FAM228B: variants seen among roughly 807,000 people sequenced by gnomAD.
The protein encoded by FAM228B is family with sequence similarity 228 member B.
In FAM228B, 38 loss-of-function variants were observed where a neutral mutation model predicts 42.6. The ratio of observed to expected loss-of-function variants is 0.89; its 90% CI spans 0.69 to 1.17. The LOEUF is 1.17. FAM228B is among the 50% of genes most tolerant of loss of function. FAM228B has a pLI of 0.00. For missense variants in FAM228B, 344 were observed against 367.3 expected (o/e 0.94, Z 0.52); for synonymous variants, 109 against 122.3 (o/e 0.89, Z 0.72).
Position 24,095,523 on chromosome 2 carries a change from A to T in FAM228B, c.-121+294A>T, listed in dbSNP as rs1008361230. 1 of 152,326 alleles carries T rather than the reference A, an allele frequency of 6.6e-6. No individual in the cohort carries two copies. Among genetic ancestry groups the T allele is most frequent in the Non-Finnish European group, 1.5e-5 (1 of 68,126 alleles). The allele number at this position is 152,326 out of a possible 1,614,324, so 9.4% of individuals were successfully genotyped here. A position where few individuals can be genotyped will look rare whatever the true frequency, so the allele number is the denominator to read the frequency against. ...CTCACTGCTAGTGCAGCAGTCTGAG[A>T]TCGAACTGTGAGGCGGCAGCCTGGC... On this transcript the variant is annotated intron_variant, in intron 3 of 10. Transcript: ENST00000613899. This position sits in a 1 kb window ranked among gnomAD's most constrained non-coding sequence, Gnocchi z 4.8.
chr2:24,108,009 CAGAT>C (rs1558372898), intron 3 of FAM228B, among the ~76,000 whole-genome samples: 1 of 152,120 alleles, frequency 6.6e-6, no homozygotes, highest in African/African-American at 2.4e-5. Context: ...AGAAATTAAT[CAGAT>C]AGATAGATCA....
At chr2:24,079,644 C>A (rs773750164) in intron 1 of FAM228B, 2 of 1,611,984 alleles carry the variant, frequency 1.2e-6, no homozygotes, top group Admixed American at 1.7e-5. Context: ...CCAGCACCTT[C>A]CATAGGAAAC....
In FAM228B at chr2:24,084,409, GA is replaced by G. The variant is rs1023706251; in HGVS notation, c.-210+3455del. The stretch of plus-strand genomic sequence containing the variant: ...GACAGGACAGGGCAGGGCAGGACAG[GA>G]CAGGGCAGGGGCCGCTGTATCCTCG... On this transcript the variant is annotated intron_variant, in intron 2 of 10. Transcript: ENST00000613899. This position sits in a 1 kb window ranked among gnomAD's most constrained non-coding sequence, Gnocchi z 8.4. 6.2e-4 allele frequency: 905 copies of G among 1,449,962 alleles called. No homozygotes were observed. Among genetic ancestry groups the G allele is most frequent in the Non-Finnish European group, 7.9e-4 (858 of 1,089,776 alleles). 89.8% of individuals were successfully genotyped at this position (1,449,962 alleles called of 1,614,324 possible).
chr2:24,119,659 C>T (rs1331614299), upstream of FAM228B: 1 of 1,612,880 alleles, frequency 6.2e-7, no homozygotes, highest in Non-Finnish European at 8.5e-7. Flanking sequence ...GATGGGTCTT[C>T]ACGACAACCA....
chr2:24,111,882 A>G (rs1340749126), intron 3 of FAM228B, among the ~76,000 whole-genome samples: 1 of 152,150 alleles, frequency 6.6e-6, no homozygotes, highest in African/African-American at 2.4e-5. Context: ...CCTCAACTGC[A>G]TGTTACAAGC....
At chr2:24,166,739 G>C (rs1667425284) in intron 9 of FAM228B, among the ~76,000 whole-genome samples, 4 of 152,154 alleles carry the variant, frequency 2.6e-5, no homozygotes, top group Non-Finnish European at 5.9e-5. Context: ...GAATGAAGAG[G>C]ACTGTTTTAG....
chr2:24,098,858 A>G (rs1665552843), intron 3 of FAM228B, among the ~76,000 whole-genome samples: 1 of 152,234 alleles, frequency 6.6e-6, no homozygotes, highest in Admixed American at 6.5e-5. Context: ...AATATCCCTG[A>G]TGAACATCAA....
chr2:24,130,962 T>C (rs1256814320), intron 2 of FAM228B, among the ~76,000 whole-genome samples: 1 of 152,234 alleles, frequency 6.6e-6, no homozygotes, highest in Non-Finnish European at 1.5e-5. Context: ...CTTGAGTTAA[T>C]TTTTGTATAC....
intron 9 of FAM228B, 84 bp downstream of exon 9, chr2:24,164,419 G>C: frequency 7.1e-7 from 1 of 1,400,250 alleles, no homozygotes. Context: ...AACTTTCTTT[G>C]TATGGCAGGC....
chr2:24,154,763 A>G (rs2151027285), intron 7 of FAM228B, among the ~76,000 whole-genome samples: 1 of 152,298 alleles, frequency 6.6e-6, no homozygotes, highest in Admixed American at 6.5e-5. Context: ...TGATGGGCTC[A>G]ATAAAAGTTA....
chr2:24,161,294 A>C (rs924242675), intron 7 of FAM228B, among the ~76,000 whole-genome samples: 2 of 152,052 alleles, frequency 1.3e-5, no homozygotes, highest in Non-Finnish European at 2.9e-5. Context: ...AAAAATAAAA[A>C]TAAATCCCTT....
intron 3 of FAM228B, chr2:24,097,407 C>A (rs1665519535): frequency 8.7e-6 from 1 of 114,386 alleles, no homozygotes. Flanking sequence ...CACACATAGA[C>A]TAAAATAAAG....
chr2:24,137,541 AG>A, intron 3 of FAM228B, among the ~76,000 whole-genome samples: 1 of 152,280 alleles, frequency 6.6e-6, no homozygotes, highest in Non-Finnish European at 1.5e-5. Flanking sequence ...TACCCAGGCT[AG>A]AGTGCAGTGT....
chr2:24,095,157 CG>C lies in FAM228B; in HGVS notation c.-191del, dbSNP rs1015195815. 5.9e-5 allele frequency: 9 copies of C among 152,274 alleles called. No individual in the cohort carries two copies. Among genetic ancestry groups the C allele is most frequent in the Non-Finnish European group, 8.8e-5 (6 of 68,126 alleles). The allele number at this position is 152,274 out of a possible 1,614,324, so 9.4% of individuals were successfully genotyped here. A position where few individuals can be genotyped will look rare whatever the true frequency, so the allele number is the denominator to read the frequency against. On this transcript the variant is annotated 5_prime_UTR_variant, in exon 3 of 11. Transcript: ENST00000613899. This position sits in a 1 kb window ranked among gnomAD's most constrained non-coding sequence, Gnocchi z 4.8. ...CTTTAACAGTTAAAAGTTTAACAACCGGAACAGCTCCAGTCTGCAGCTCCCA... is the reference window on the plus strand; with the variant it reads ...CTTTAACAGTTAAAAGTTTAACAACCGAACAGCTCCAGTCTGCAGCTCCCA...
intron 1 of FAM228B, among the ~76,000 whole-genome samples, 180 bp downstream of exon 1, chr2:24,123,713 G>A (rs1035217439): frequency 6.6e-6 from 1 of 151,510 alleles, no homozygotes; most frequent in Non-Finnish European, 1.5e-5. Flanking sequence ...CAGGCCGGGC[G>A]GTCCCCGCGC....
intron 2 of FAM228B, among the ~76,000 whole-genome samples, chr2:24,081,937 C>T (rs908340285): frequency 3.3e-5 from 5 of 152,068 alleles, no homozygotes; most frequent in African/African-American, 9.7e-5. Flanking sequence ...CCTCATGATC[C>T]ACCCACCTCA....
intron 2 of FAM228B, among the ~76,000 whole-genome samples, chr2:24,127,107 T>G (rs1054546122): frequency 6.6e-6 from 1 of 151,904 alleles, no homozygotes; most frequent in Non-Finnish European, 1.5e-5. Flanking sequence ...CACCCCCCAT[T>G]CCCCTCCCTC....
In FAM228B at chr2:24,084,140, G is replaced by A; in HGVS notation, c.-210+3185G>A. On this transcript the variant is annotated intron_variant, in intron 2 of 10. Transcript: ENST00000613899. This position sits in a 1 kb window ranked among gnomAD's most constrained non-coding sequence, Gnocchi z 8.4. ...CAATGTCCACTGAGTGCTGTTGAGA[G>A]GGAGGCTCTGGAGTCCCGCCCGCCC... 1.3e-6 allele frequency: 2 copies of A among 1,572,224 alleles called. No homozygotes were observed. The highest frequency in any genetic ancestry group is 1.3e-5 in the African/African-American group (1 of 74,500).
In FAM228B at chr2:24,080,664, T is replaced by G; in HGVS notation, c.-289-212T>G. The G allele has an allele frequency of 1.3e-6, 1 of 774,286 alleles. No individual in the cohort carries two copies. Among genetic ancestry groups the G allele is most frequent in the Non-Finnish European group, 2.2e-6 (1 of 456,356 alleles). The allele number at this position is 774,286 out of a possible 1,614,324, so 48.0% of individuals were successfully genotyped here. ...TTTAAATATGACTGCCTGTCTCCAG[T>G]GGTCAAATACCATAGTACTAGAATT... On this transcript the variant is annotated intron_variant, in intron 1 of 10. Transcript: ENST00000613899. This position sits in a 1 kb window ranked among gnomAD's most constrained non-coding sequence, Gnocchi z 4.7.
Sources: allele counts gnomAD v4.1 joint callset (sites outside exome capture counted in the v4.1 genomes callset), GRCh38; gene constraint gnomAD v4.1.1; non-coding constraint Gnocchi (gnomAD v3.1); transcripts MANE v1.5; gene names NCBI Gene and HGNC (gene_info 2026-07-23, HGNC 2026-07-21).